DYSF: variants seen among roughly 807,000 people sequenced by gnomAD.
DYSF encodes dysferlin.
In DYSF, 212 loss-of-function variants were observed where a neutral mutation model predicts 274.9. The observed-to-expected ratio is 0.77, with a 90% CI of 0.69 to 0.86. The LOEUF is 0.86. DYSF is among the 40% of genes least tolerant of loss of function. The pLI is 0.00. For missense variants in DYSF, 2,666 were observed against 2,783.2 expected (o/e 0.96, Z 0.95); for synonymous variants, 1,091 against 1,078.7 (o/e 1.01, Z -0.22).
intron 42 of DYSF, among the ~76,000 whole-genome samples, chr2:71,644,690 T>C (rs911060577): frequency 6.6e-6 from 1 of 152,180 alleles, no homozygotes; most frequent in Non-Finnish European, 1.5e-5. Flanking sequence ...TATACAAATA[T>C]AATTATGCTT....
intron 45 of DYSF, among the ~76,000 whole-genome samples, chr2:71,662,848 ATG>A (rs569512865): frequency 6.7e-4 from 51 of 75,640 alleles, no homozygotes; most frequent in Non-Finnish European, 1.0e-3. Context: ...ATGTGTGTGT[ATG>A]TGTGTGTGTC....
intron 30 of DYSF, among the ~76,000 whole-genome samples, chr2:71,577,559 CACAT>C (rs2092750187): frequency 6.6e-6 from 1 of 151,032 alleles, no homozygotes; most frequent in Admixed American, 6.6e-5. Flanking sequence ...CACAATCACA[CACAT>C]ACCCTCACAC....
At chr2:71,550,430 T>C (rs1163424423) in intron 17 of DYSF, among the ~76,000 whole-genome samples, 3 of 151,642 alleles carry the variant, frequency 2.0e-5, no homozygotes, top group Non-Finnish European at 4.4e-5. Flanking sequence ...GGGGAGGAGA[T>C]TCTGGGATAA....
chr2:71,650,928 A>G (rs2094646737), intron 42 of DYSF, among the ~76,000 whole-genome samples: 1 of 152,200 alleles, frequency 6.6e-6, no homozygotes, highest in African/African-American at 2.4e-5. Flanking sequence ...ACAAAAAAGA[A>G]AACTAATTAA....
At chr2:71,532,877 T>TATCA (rs993479251) in intron 14 of DYSF, among the ~76,000 whole-genome samples, 6 of 150,336 alleles carry the variant, frequency 4.0e-5, no homozygotes, top group African/African-American at 7.4e-5. Context: ...TCTATCTATC[T>TATCA]ATCATGAAAA....
intron 4 of DYSF, among the ~76,000 whole-genome samples, chr2:71,510,702 C>T (rs2086003179): frequency 6.6e-6 from 1 of 152,204 alleles, no homozygotes; most frequent in African/African-American, 2.4e-5. Context: ...TAACATCATT[C>T]AGCAGAAAGG....
chr2:71,668,319 C>T (rs2095054377), intron 48 of DYSF, among the ~76,000 whole-genome samples: 1 of 152,192 alleles, frequency 6.6e-6, no homozygotes, highest in Admixed American at 6.5e-5. Context: ...TACTTCAATT[C>T]CTGCTCCTTC....
chr2:71,500,510 G>C (rs1322752158), intron 3 of DYSF, among the ~76,000 whole-genome samples: 1 of 152,106 alleles, frequency 6.6e-6, no homozygotes, highest in Non-Finnish European at 1.5e-5. Flanking sequence ...AACCCTGGCT[G>C]CTGTCTCTTG....
chr2:71,655,198 A>C (rs2094745651), intron 42 of DYSF, among the ~76,000 whole-genome samples: 2 of 152,138 alleles, frequency 1.3e-5, no homozygotes, highest in Non-Finnish European at 2.9e-5. Flanking sequence ...AAGGACATAT[A>C]CCAAATGCTG....
intron 52 of DYSF, among the ~76,000 whole-genome samples, chr2:71,674,704 C>A (rs896945005): frequency 3.3e-5 from 5 of 152,200 alleles, no homozygotes; most frequent in Non-Finnish European, 2.9e-5. Flanking sequence ...ACTGAGTGAA[C>A]AAACCCAGGC....
At chr2:71,515,780 AC>A in intron 8 of DYSF, 29 bp downstream of exon 8, 1 of 1,613,670 alleles carries the variant, frequency 6.2e-7, no homozygotes, top group Non-Finnish European at 8.5e-7. Context: ...GAGGGCCAGA[AC>A]CTTGGTGGGC....
chr2:71,460,645 A>C (rs1356574348), intron 1 of DYSF, among the ~76,000 whole-genome samples: 1 of 152,152 alleles, frequency 6.6e-6, no homozygotes, highest in Non-Finnish European at 1.5e-5. Context: ...AGGTCAGTGA[A>C]CATCAGCCAG....
upstream of DYSF, among the ~76,000 whole-genome samples, chr2:71,462,223 G>A (rs1160804967): frequency 5.3e-5 from 8 of 152,208 alleles, no homozygotes; most frequent in Admixed American, 3.3e-4. Flanking sequence ...CAGCCACTGC[G>A]CACAGCCAGG....
chr2:71,583,916 G>C (rs2092978286), intron 30 of DYSF, among the ~76,000 whole-genome samples: 1 of 152,216 alleles, frequency 6.6e-6, no homozygotes. Context: ...GAGGCAGAGA[G>C]TTCCTCATAT....
At chr2:71,683,615 A>G (rs1219169466) in intron 55 of DYSF, among the ~76,000 whole-genome samples, 1 of 152,222 alleles carries the variant, frequency 6.6e-6, no homozygotes, top group Non-Finnish European at 1.5e-5. Flanking sequence ...CAAAGACGCA[A>G]ACACCCAGAG....
intron 3 of DYSF, among the ~76,000 whole-genome samples, chr2:71,493,436 T>C (rs769578514): frequency 2.0e-4 from 30 of 152,310 alleles, no homozygotes; most frequent in Middle Eastern, 3.4e-3. Flanking sequence ...AGAATGTTCC[T>C]CATTTGGGAT....
intron 22 of DYSF, among the ~76,000 whole-genome samples, chr2:71,558,227 G>T (rs1171928087): frequency 1.3e-4 from 20 of 152,144 alleles, no homozygotes; most frequent in Admixed American, 1.0e-3. Flanking sequence ...TCCTGGCCAG[G>T]GGGGCTAGGT....
chr2:71,484,701 A>G (rs868525878), intron 3 of DYSF, among the ~76,000 whole-genome samples: 73 of 152,212 alleles, frequency 4.8e-4, no homozygotes, highest in Middle Eastern at 3.4e-3. Flanking sequence ...ATTCTACTCT[A>G]TCTCCGGAAG....
intron 41 of DYSF, among the ~76,000 whole-genome samples, chr2:71,625,824 T>G (rs193256806): frequency 3.6e-4 from 55 of 152,202 alleles, no homozygotes; most frequent in African/African-American, 1.3e-3. Flanking sequence ...TAATGGTAAT[T>G]TAATGCATTT....
Sources: allele counts gnomAD v4.1 joint callset (sites outside exome capture counted in the v4.1 genomes callset), GRCh38; gene constraint gnomAD v4.1.1; transcripts MANE v1.5; gene names NCBI Gene and HGNC (gene_info 2026-07-23, HGNC 2026-07-21).